The following RNF7 variants were observed in gnomAD, a reference collection of about 807,000 sequenced individuals.
RNF7 encodes ring finger protein 7, also known as RING-box protein 2.
In RNF7, 9 loss-of-function variants were observed where a neutral mutation model predicts 17.0. The observed-to-expected ratio is 0.53, with a 90% confidence interval of 0.32 to 0.92. RNF7 has a LOEUF of 0.92. RNF7 is among the 40% of genes least tolerant of loss of function. The pLI is 0.04. For missense variants in RNF7, 87 were observed against 145.8 expected (o/e 0.60, Z 2.08); for synonymous variants, 59 against 50.5 (o/e 1.17, Z -0.72).
Position 141,746,915 on chromosome 3 carries a change from T to C in RNF7, c.*1638T>C, listed in dbSNP as rs1360476595. ...ATACAAATATCTTTGGCCATTTAAA[T>C]GTTTATCATTGTGCAGTGAACTGTT... On this transcript the variant is annotated 3_prime_UTR_variant, in exon 3 of 3. Transcript: ENST00000273480. 1 of 152,262 alleles carries C rather than the reference T, an allele frequency of 6.6e-6. No individual in the cohort carries two copies. Among genetic ancestry groups the C allele is most frequent in the Non-Finnish European group, 1.5e-5 (1 of 68,040 alleles). The allele number at this position is 152,262 out of a possible 1,614,324, so 9.4% of individuals were successfully genotyped here. A position where few individuals can be genotyped will look rare whatever the true frequency, so the allele number is the denominator to read the frequency against.
At chr3:141,743,654 AAAAT>A (rs2084443609) in intron 2 of RNF7, 98 bp downstream of exon 2, 3 of 873,784 alleles carry the variant, frequency 3.4e-6, no homozygotes, top group Admixed American at 4.7e-5. Flanking sequence ...TCAATACACA[AAAAT>A]AAACTGTAAA....
intron 1 of RNF7, among the ~76,000 whole-genome samples, chr3:141,740,613 G>A (rs865836474): frequency 2.0e-5 from 3 of 152,192 alleles, no homozygotes; most frequent in South Asian, 2.1e-4. Context: ...TAGAGGTCAG[G>A]TGACAGCAGA....
intron 1 of RNF7, among the ~76,000 whole-genome samples, chr3:141,741,064 T>C (rs554102733): frequency 6.6e-6 from 1 of 152,372 alleles, no homozygotes; most frequent in Non-Finnish European, 1.5e-5. Context: ...CAGCCAGTTA[T>C]AATAGCCAGA....
At chr3:141,743,650 C>T in intron 2 of RNF7, 94 bp downstream of exon 2, 1 of 912,870 alleles carries the variant, frequency 1.1e-6, no homozygotes, top group Non-Finnish European at 1.7e-6. Context: ...TTTATCAATA[C>T]ACAAAAATAA....
At chr3:141,744,731 T>C (rs1024697619) in intron 2 of RNF7, among the ~76,000 whole-genome samples, 1 of 152,224 alleles carries the variant, frequency 6.6e-6, no homozygotes, top group Non-Finnish European at 1.5e-5. Context: ...AATAGCCTAC[T>C]GCATACTAAA....
At position 141,745,351 on chromosome 3, in the gene RNF7, C is replaced by A; in HGVS notation, c.*74C>A. 1 of 935,264 alleles carries A rather than the reference C, an allele frequency of 1.1e-6. No individual in the cohort carries two copies. Among genetic ancestry groups the A allele is most frequent in the Non-Finnish European group, 1.7e-6 (1 of 583,590 alleles). 57.9% of individuals were successfully genotyped at this position (935,264 alleles called of 1,614,324 possible). A position where few individuals can be genotyped will look rare whatever the true frequency, so the allele number is the denominator to read the frequency against. ...CTTGTAATCCAGTGCCCTACAAAGG[C>A]TAGAACACTACAGGGGATGAATTCT... On this transcript the variant is annotated 3_prime_UTR_variant, in exon 3 of 3. Coordinates refer to ENST00000273480, the MANE Select transcript of RNF7 (RefSeq NM_014245.5).
intron 1 of RNF7, 44 bp downstream of exon 1, chr3:141,738,560 G>A: frequency 6.5e-7 from 1 of 1,548,036 alleles, no homozygotes; most frequent in Non-Finnish European, 8.7e-7. Context: ...CGGCCTCCGG[G>A]AGCCGACCTC....
intron 2 of RNF7, 137 bp downstream of exon 2, chr3:141,743,693 A>G: frequency 1.7e-6 from 1 of 579,698 alleles, no homozygotes; most frequent in Non-Finnish European, 3.0e-6. Flanking sequence ...TTAATATAAA[A>G]TATGTTGGTT....
Position 141,738,391 on chromosome 3 carries a change from C to A in RNF7, c.50C>A (p.Ser17Tyr), listed in dbSNP as rs757235578. 1.9e-6 allele frequency: 3 copies of A among 1,602,262 alleles called. No homozygotes were observed. Among genetic ancestry groups the A allele is most frequent in the East Asian group, 2.3e-5 (1 of 44,102 alleles). Residue 17 changes from serine to tyrosine, a missense_variant, in exon 1 of 3, where the codon TCC (serine) becomes TAC (tyrosine). Coordinates refer to ENST00000273480, the MANE Select transcript of RNF7 (RefSeq NM_014245.5). ...GEETCALASHSGSSGSKSGGD... is the reference protein window; with the variant it reads ...GEETCALASHYGSSGSKSGGD... ...GAAACCTGCGCCCTGGCCTCTCACT[C>A]CGGGAGCTCAGGCTCCAAGTCGGGA...
At position 141,745,205 on chromosome 3, in the gene RNF7, C is replaced by A; in HGVS notation, c.270C>A (p.Ser90=). ...ATTCCTTCCACAACTGCTGCATGTCCCTGTGGGTGAAACAGAACAATCGCT... is the reference window on the plus strand; with the variant it reads ...ATTCCTTCCACAACTGCTGCATGTCACTGTGGGTGAAACAGAACAATCGCT... ...CNHSFHNCCM[S]LWVKQNNRCP... The change falls in exon 3 of 3, where the codon TCC becomes TCA. Residue 90 remains serine, a synonymous_variant. Transcript: ENST00000273480. The A allele has an allele frequency of 6.2e-7, 1 of 1,613,612 alleles. No individual in the cohort carries two copies. Among genetic ancestry groups the A allele is most frequent in the Middle Eastern group, 1.7e-4 (1 of 5,868 alleles).
At chr3:141,740,166 CTCTT>C (rs986150548) in intron 1 of RNF7, among the ~76,000 whole-genome samples, 38 of 148,954 alleles carry the variant, frequency 2.6e-4, no homozygotes, top group South Asian at 4.3e-4. Flanking sequence ...ATCCAGGAGA[CTCTT>C]TTTTTTTTTT....
rs916648903 is a variant in RNF7, at chr3:141,745,740, CAGGGAG to C, written c.*469_*474del. 1.3e-5 allele frequency: 2 copies of C among 152,466 alleles called. No homozygotes were observed. The highest frequency in any genetic ancestry group is 4.8e-5 in the African/African-American group (2 of 41,388). The allele number at this position is 152,466 out of a possible 1,614,324, so 9.4% of individuals were successfully genotyped here. On this transcript the variant is annotated 3_prime_UTR_variant, in exon 3 of 3. Transcript: ENST00000273480. ...ATTTGTTCCTAATACGTATTTTTGG[CAGGGAG>C]AGGGAACGGTCCATGAAATCTTTAT...
chr3:141,743,566 A>G lies in RNF7; in HGVS notation c.223+10A>G. The G allele has an allele frequency of 6.2e-7, 1 of 1,601,038 alleles. No individual in the cohort carries two copies. The highest frequency in any genetic ancestry group is 1.8e-5 in the Admixed American group (1 of 57,084). On this transcript the variant is annotated intron_variant, in intron 2 of 2. Transcript: ENST00000273480. ...CAAGAGGACTGTGTTGGTATGTTGT[A>G]ATTTTGTTCTCTTGCTTTTTCAACT...
chr3:141,741,275 C>G (rs2084414301), intron 1 of RNF7, among the ~76,000 whole-genome samples: 1 of 152,164 alleles, frequency 6.6e-6, no homozygotes, highest in South Asian at 2.1e-4. Flanking sequence ...TGTCTACGTC[C>G]CCATTTGCTC....
chr3:141,745,290 G>T lies in RNF7; in HGVS notation c.*13G>T. ...AATCGGCAAATGAGAGTGGTTAGAAGGCTTCTTAGCGCAGTTGTTCAGAGC... is the reference window on the plus strand; with the variant it reads ...AATCGGCAAATGAGAGTGGTTAGAATGCTTCTTAGCGCAGTTGTTCAGAGC... On this transcript the variant is annotated 3_prime_UTR_variant, in exon 3 of 3. Transcript: ENST00000273480. 6.4e-7 allele frequency: 1 copy of T among 1,570,918 alleles called. No individual in the cohort carries two copies. Among genetic ancestry groups the T allele is most frequent in the Non-Finnish European group, 8.7e-7 (1 of 1,142,990 alleles).
Position 141,740,107 on chromosome 3 carries a change from A to C in RNF7, c.175+1591A>C, listed in dbSNP as rs558696999. Reference sequence around the variant, plus strand: ...ATTTGCCAGCAATACAGCTGCCCCTACCCCCACTTAGGAATCATAATTTCT... The same window carrying C: ...ATTTGCCAGCAATACAGCTGCCCCTCCCCCCACTTAGGAATCATAATTTCT... On this transcript the variant is annotated intron_variant, in intron 1 of 2. Coordinates refer to ENST00000273480, the MANE Select transcript of RNF7 (RefSeq NM_014245.5). Among the ~76,000 whole-genome samples, 4 of 150,090 alleles carry C rather than the reference A, an allele frequency of 2.7e-5. No individual in the cohort carries two copies. In the South Asian group the frequency reaches 8.4e-4, roughly 31 times the overall value.
At chr3:141,739,415 A>T (rs971722172) in intron 1 of RNF7, among the ~76,000 whole-genome samples, 3 of 152,216 alleles carry the variant, frequency 2.0e-5, no homozygotes, top group Admixed American at 1.3e-4. Context: ...TATATTTTAT[A>T]TGGTTCTAAG....
chr3:141,738,579 G>T, intron 1 of RNF7, 63 bp downstream of exon 1: 1 of 1,500,620 alleles, frequency 6.7e-7, no homozygotes, highest in Non-Finnish European at 9.0e-7. Flanking sequence ...TCGGGGTTGG[G>T]AAGGGACGGG....
Position 141,746,558 on chromosome 3 carries a change from T to TCGG in RNF7, c.*1281_*1282insCGG. ...AGAGTGCAAGAAAATACTAAACAAC[T>TCGG]TTATCAAACTGATTCACACTGAGGG... On this transcript the variant is annotated 3_prime_UTR_variant, in exon 3 of 3. Coordinates refer to ENST00000273480, the MANE Select transcript of RNF7 (RefSeq NM_014245.5). 1 of 152,150 alleles carries TCGG rather than the reference T, an allele frequency of 6.6e-6. No homozygotes were observed. The highest frequency in any genetic ancestry group is 1.9e-4 in the East Asian group (1 of 5,194). 9.4% of individuals were successfully genotyped at this position (152,150 alleles called of 1,614,324 possible). A position where few individuals can be genotyped will look rare whatever the true frequency, so the allele number is the denominator to read the frequency against.
Sources: allele counts gnomAD v4.1 joint callset (sites outside exome capture counted in the v4.1 genomes callset), GRCh38; gene constraint gnomAD v4.1.1; transcripts MANE v1.5; gene names NCBI Gene and HGNC (gene_info 2026-07-23, HGNC 2026-07-21).